Variants in SHANK1 observed in about 807,000 individuals in gnomAD.
SHANK1 encodes SH3 and multiple ankyrin repeat domains 1.
Under a neutral mutation model 165.6 loss-of-function variants are expected in SHANK1, and 35 were observed. That is an observed-to-expected ratio of 0.21 (90% CI 0.16 to 0.28). The LOEUF (loss-of-function observed/expected upper bound fraction) is 0.28. Ranked by LOEUF, SHANK1 falls within the 10% of genes least tolerant of loss-of-function variation. SHANK1 has a pLI of 1.00. For missense variants in SHANK1, 2,681 were observed against 3,036.4 expected, an observed-to-expected ratio of 0.88 and a Z score of 2.75; for synonymous variants, 1,428 against 1,384.8, an observed-to-expected ratio of 1.03 and a Z score of -0.69.
rs374524924 is a variant in SHANK1 at position 50,712,227 on chromosome 19, A to G, written c.793-113T>C. The stretch of plus-strand genomic sequence containing the variant: ...CGTCCTGGGTGACCTACAGTGGCCA[A>G]TGACAGTCTCAGTTCTGCCGTGATG... On this transcript the variant is annotated intron_variant, in intron 6 of 23. Coordinates refer to ENST00000293441, the MANE Select transcript of SHANK1 (RefSeq NM_016148.5). The G allele has an allele frequency of 2.4e-5, 26 of 1,103,532 alleles. No homozygotes were observed. In the East Asian group the frequency reaches 4.8e-4, roughly 20 times the overall value. The allele number at this position is 1,103,532 out of a possible 1,614,324, so 68.4% of individuals were successfully genotyped here. A position where few individuals can be genotyped will look rare whatever the true frequency, so the allele number is the denominator to read the frequency against.
rs746029352 is a variant in SHANK1, at chr19:50,715,705, T to C, written c.485A>G (p.Lys162Arg). Residue 162 changes from lysine to arginine, a missense_variant, in exon 4 of 24, where the codon AAA becomes AGA. Lys to Arg is a conservative substitution (Grantham distance 26). Around this residue, in one of 10 missense-constraint regions of SHANK1, gnomAD observed 189 missense variants for 440.9 expected, o/e 0.43. Transcript: ENST00000293441. ...LEFRYKTRVY[K>R]QTNLDEKQLA... ...CTGCTTCTCATCCAGGTTGGTCTGTTTGTAAACTCGGGTCTTGTATCGGAA... is the reference window on the plus strand; with the variant it reads ...CTGCTTCTCATCCAGGTTGGTCTGTCTGTAAACTCGGGTCTTGTATCGGAA... The C allele has an allele frequency of 6.2e-7, 1 of 1,614,052 alleles. No individual in the cohort carries two copies. The highest frequency in any genetic ancestry group is 8.5e-7 in the Non-Finnish European group (1 of 1,179,988).
rs1196971479 is a variant in SHANK1, at chr19:50,716,058, A to C, written c.459+217T>G. On this transcript the variant is annotated intron_variant, in intron 3 of 23. Transcript: ENST00000293441. This position sits in a 1 kb window ranked among gnomAD's most constrained non-coding sequence, Gnocchi z 8.4. ...TGGGTGAGGAGAAGCTTGGGGCAGG[A>C]AAGTGACTTGGCCAAGGCCACTTAG... Among the ~76,000 whole-genome samples the C allele has an allele frequency of 3.9e-5, 6 of 152,214 alleles. No homozygotes were observed. Among genetic ancestry groups the C allele is most frequent in the African/African-American group, 7.2e-5 (3 of 41,460 alleles).
chr19:50,703,268 A>G (rs2088891832), intron 11 of SHANK1, among the ~76,000 whole-genome samples: 1 of 151,316 alleles, frequency 6.6e-6, no homozygotes, highest in South Asian at 2.1e-4. Context: ...TCTTTGGGGT[A>G]CCCTCTGCCT....
In SHANK1 at chr19:50,662,553, T is replaced by C. The variant is rs907935918; in HGVS notation, c.5898A>G (p.Pro1966=). The part of the protein sequence containing the change: ...TGVSPTAAAA[P]GATSPSASSS... ...AGGAGGCTGAGGGTGAGGTGGCCCCTGGGGCCGCAGCGGCTGTAGGGGAGA... is the reference window on the plus strand; with the variant it reads ...AGGAGGCTGAGGGTGAGGTGGCCCCCGGGGCCGCAGCGGCTGTAGGGGAGA... Residue 1966 remains proline (P), a synonymous_variant, in exon 24 of 24, where the codon CCA becomes CCG. Transcript: ENST00000293441. This position sits in a 1 kb window ranked among gnomAD's most constrained non-coding sequence, Gnocchi z 7.7. The C allele has an allele frequency of 9.6e-6, 15 of 1,561,336 alleles. No individual in the cohort carries two copies. Among genetic ancestry groups the C allele is most frequent in the East Asian group, 2.4e-5 (1 of 41,914 alleles).
rs1346718550 is a variant in SHANK1 at position 50,697,024 on chromosome 19, C to T, written c.1964+72G>A. On this transcript the variant is annotated intron_variant, in intron 15 of 23. Coordinates refer to ENST00000293441, the MANE Select transcript of SHANK1 (RefSeq NM_016148.5). The surrounding 1 kb of genome is among the most constrained non-coding windows in gnomAD (Gnocchi z 4.7). ...AACCTCAGCTCTGGTCGTGCACACA[C>T]GTTCACACGCCCCCCAGGCACCCCG... The T allele has an allele frequency of 1.8e-5, 23 of 1,272,576 alleles. No individual in the cohort carries two copies. Among genetic ancestry groups the T allele is most frequent in the South Asian group, 4.8e-5 (4 of 83,716 alleles). The allele number at this position is 1,272,576 out of a possible 1,614,324, so 78.8% of individuals were successfully genotyped here. A position where few individuals can be genotyped will look rare whatever the true frequency, so the allele number is the denominator to read the frequency against.
At chr19:50,669,773 A>AT (rs34358760) in intron 22 of SHANK1, among the ~76,000 whole-genome samples, 11 of 73,152 alleles carry the variant, frequency 1.5e-4, no homozygotes, top group Admixed American at 9.8e-4. Context: ...TTGGATCTAT[A>AT]AAAAAAAAAA....
Position 50,716,795 on chromosome 19 carries a change from C to G in SHANK1, c.125G>C (p.Gly42Ala), listed in dbSNP as rs1337761678. ...GCTACCAGGTGCCCCACTGCCCTGG[C>G]CCCGGGTCCCCCGGGGGCCTCGACC... ...GPGRGPRGTRGQGSGAPGSLA... is the reference protein window; with the variant it reads ...GPGRGPRGTRAQGSGAPGSLA... The change falls in exon 2 of 24, where the codon GGC becomes GCC. Residue 42 changes from glycine (G) to alanine (A), a missense_variant. Physicochemically the swap from Gly to Ala is moderately conservative, Grantham distance 60. Coordinates refer to ENST00000293441, the MANE Select transcript of SHANK1 (RefSeq NM_016148.5). The surrounding 1 kb of genome is among the most constrained non-coding windows in gnomAD (Gnocchi z 8.4). 2 of 1,594,466 alleles carry G rather than the reference C, an allele frequency of 1.3e-6. No individual in the cohort carries two copies. Among genetic ancestry groups the G allele is most frequent in the Non-Finnish European group, 1.7e-6 (2 of 1,172,208 alleles).
chr19:50,682,669 G>C (rs1277552283), intron 21 of SHANK1, among the ~76,000 whole-genome samples: 1 of 152,120 alleles, frequency 6.6e-6, no homozygotes, highest in African/African-American at 2.4e-5. Flanking sequence ...GTAAAATACA[G>C]ACTGGGGGGA....
intron 4 of SHANK1, 89 bp downstream of exon 4, chr19:50,715,570 T>G: frequency 8.7e-7 from 1 of 1,155,764 alleles, no homozygotes; most frequent in Non-Finnish European, 1.3e-6. Flanking sequence ...TGGAGGTCTA[T>G]TGGGAAGAGG....
rs984260509 is a variant in SHANK1 at position 50,697,441 on chromosome 19, G to A, written c.1937+148C>T. 6.3e-6 allele frequency: 5 copies of A among 797,652 alleles called. No individual in the cohort carries two copies. Among genetic ancestry groups the A allele is most frequent in the Admixed American group, 5.5e-5 (3 of 54,456 alleles). 49.4% of individuals were successfully genotyped at this position (797,652 alleles called of 1,614,324 possible). ...TTGGGGTTGGGCTGTACTGTCTGAAGCTAATTCTGGCTTATCCCACCCCTG... is the reference window on the plus strand; with the variant it reads ...TTGGGGTTGGGCTGTACTGTCTGAAACTAATTCTGGCTTATCCCACCCCTG... On this transcript the variant is annotated intron_variant, in intron 14 of 23. Coordinates refer to ENST00000293441, the MANE Select transcript of SHANK1 (RefSeq NM_016148.5). This position sits in a 1 kb window ranked among gnomAD's most constrained non-coding sequence, Gnocchi z 4.7.
chr19:50,668,702 C>A lies in SHANK1; in HGVS notation c.3258G>T (p.Gln1086His). 1 of 1,297,628 alleles carries A rather than the reference C, an allele frequency of 7.7e-7. No individual in the cohort carries two copies. The highest frequency in any genetic ancestry group is 2.4e-5 in the South Asian group (1 of 40,990). 80.4% of individuals were successfully genotyped at this position (1,297,628 alleles called of 1,614,324 possible). A position where few individuals can be genotyped will look rare whatever the true frequency, so the allele number is the denominator to read the frequency against. Reference sequence around the variant, plus strand: ...CTGCGCTGGCCGCCCGCGGGGGCAGCTGGAAATAGCGTAGAGCCGGGCCCT... The same window carrying A: ...CTGCGCTGGCCGCCCGCGGGGGCAGATGGAAATAGCGTAGAGCCGGGCCCT... ...SSQGPALRYF[Q>H]LPPRAASAAM... The change falls in exon 23 of 24, where the codon CAG (glutamine) becomes CAT (histidine). Residue 1086 changes from glutamine to histidine, a missense_variant. By Grantham distance (24) the Gln-to-His change is conservative (BLOSUM62 0). Coordinates refer to ENST00000293441, the MANE Select transcript of SHANK1 (RefSeq NM_016148.5).
intron 15 of SHANK1, among the ~76,000 whole-genome samples, chr19:50,692,855 C>A (rs1410102011): frequency 2.1e-5 from 3 of 143,628 alleles, no homozygotes; most frequent in African/African-American, 7.8e-5. Flanking sequence ...CCCTATGGAG[C>A]CATCCCCCCA....
intron 18 of SHANK1, 120 bp downstream of exon 18, chr19:50,687,803 G>T (rs1986405540): frequency 1.4e-6 from 2 of 1,415,132 alleles, no homozygotes; most frequent in South Asian, 1.3e-5. Flanking sequence ...TCCCCACAAG[G>T]GTCACGGAGA....
chr19:50,684,552 C>T (rs1002748424), intron 21 of SHANK1, among the ~76,000 whole-genome samples: 9 of 152,056 alleles, frequency 5.9e-5, no homozygotes, highest in Non-Finnish European at 7.4e-5. Context: ...TATAAAAGTA[C>T]GAGCCCCTCC....
chr19:50,718,330 G>A lies in SHANK1; in HGVS notation c.-44+1076C>T, dbSNP rs2089092349. On this transcript the variant is annotated intron_variant, in intron 1 of 23. Coordinates refer to ENST00000293441, the MANE Select transcript of SHANK1 (RefSeq NM_016148.5). This position sits in a 1 kb window ranked among gnomAD's most constrained non-coding sequence, Gnocchi z 5.1. ...ACCCCGGCTGCCTCCTCCCTGCCCC[G>A]CCGCACAGCCCACCTCGCGATCTGG... Among the ~76,000 whole-genome samples, 1 of 150,908 alleles carries A rather than the reference G, an allele frequency of 6.6e-6. No homozygotes were observed. Among genetic ancestry groups the A allele is most frequent in the South Asian group, 2.1e-4 (1 of 4,734 alleles).
chr19:50,680,117 G>A (rs1986129666), intron 21 of SHANK1, among the ~76,000 whole-genome samples: 1 of 152,020 alleles, frequency 6.6e-6, no homozygotes, highest in South Asian at 2.1e-4. Context: ...GACAGATGGG[G>A]GAGAGAGGGA....
At chr19:50,706,151 C>A (rs971974746) in intron 8 of SHANK1, among the ~76,000 whole-genome samples, 2 of 134,390 alleles carry the variant, frequency 1.5e-5, no homozygotes, top group Non-Finnish European at 3.1e-5. Context: ...AAAGTGAGAC[C>A]CTGTCTCAAA....
At chr19:50,672,555 C>CAAAAAAAAAAAAAAA (rs3987747) in intron 21 of SHANK1, among the ~76,000 whole-genome samples, 23 of 35,502 alleles carry the variant, frequency 6.5e-4, no homozygotes, top group African/African-American at 2.5e-3. Context: ...GACTCTGTCT[C>CAAAAAAAAAAAAAAA]AAAAAAAAAA....
Position 50,716,574 on chromosome 19 carries a change from A to T in SHANK1, c.255+91T>A. On this transcript the variant is annotated intron_variant, in intron 2 of 23. Transcript: ENST00000293441. The surrounding 1 kb of genome is among the most constrained non-coding windows in gnomAD (Gnocchi z 8.4). ...GAGCCAGGAGCTGAGTGTGGGGGTG[A>T]TTCCTGGGAGGATACCCAGCACCAG... 1.3e-6 allele frequency: 2 copies of T among 1,561,662 alleles called. No homozygotes were observed. Among genetic ancestry groups the T allele is most frequent in the South Asian group, 2.4e-5 (2 of 83,050 alleles).
Sources: allele counts gnomAD v4.1 joint callset (sites outside exome capture counted in the v4.1 genomes callset), GRCh38; gene constraint gnomAD v4.1.1; regional missense constraint gnomAD v4.1.1; non-coding constraint Gnocchi (gnomAD v3.1); transcripts MANE v1.5; gene names NCBI Gene and HGNC (gene_info 2026-07-23, HGNC 2026-07-21).